NLRP7: variants seen among roughly 807,000 people sequenced by gnomAD.
The protein encoded by NLRP7 is NLR family pyrin domain containing 7, also known as NACHT, LRR and PYD domains-containing protein 7.
Under a neutral mutation model 85.5 loss-of-function variants are expected in NLRP7, and 72 were observed. The ratio of observed to expected loss-of-function variants is 0.84; its 90% CI spans 0.70 to 1.02. The LOEUF is 1.02. Ranked by LOEUF, NLRP7 falls within the 50% of genes least tolerant of loss-of-function variation. NLRP7 has a pLI of 0.00. For synonymous variants in NLRP7, 550 were observed against 505.2 expected, an observed-to-expected ratio of 1.09 and a Z score of -1.19; for missense variants, 1,243 against 1,219.5, an observed-to-expected ratio of 1.02 and a Z score of -0.29.
chr19:54,946,362 C>T (rs1377829027), intron 1 of NLRP7, among the ~76,000 whole-genome samples: 2 of 151,448 alleles, frequency 1.3e-5, no homozygotes, highest in African/African-American at 2.4e-5. Context: ...CAGGCATGTG[C>T]CACCACGCCC....
Position 54,934,359 on chromosome 19 carries a change from G to T in NLRP7, c.2471+130C>A. 1 of 916,586 alleles carries T rather than the reference G, an allele frequency of 1.1e-6. No individual in the cohort carries two copies. The highest frequency in any genetic ancestry group is 1.8e-6 in the Non-Finnish European group (1 of 546,698). The allele number at this position is 916,586 out of a possible 1,614,324, so 56.8% of individuals were successfully genotyped here. ...TGAGATTACAGGCAGGAGCCACCGTGCCGGGCCTGAAGCAGGTGTTTATTT... is the reference window on the plus strand; with the variant it reads ...TGAGATTACAGGCAGGAGCCACCGTTCCGGGCCTGAAGCAGGTGTTTATTT... On this transcript the variant is annotated intron_variant, in intron 7 of 9. Coordinates refer to ENST00000340844, the Ensembl canonical transcript of NLRP7. The surrounding 1 kb of genome is among the most constrained non-coding windows in gnomAD (Gnocchi z 6.7).
intron 5 of NLRP7, 99 bp from the exon 6 acceptor site, chr19:54,936,530 A>T (rs1183555351): frequency 9.0e-7 from 1 of 1,110,234 alleles, no homozygotes; most frequent in Non-Finnish European, 1.4e-6. Flanking sequence ...AGAAATTATT[A>T]GAAGTTCTTG....
chr19:54,940,374 C>G (rs756978762), exon 4 of NLRP7: 4 of 1,614,154 alleles, frequency 2.5e-6, no homozygotes, highest in Non-Finnish European at 3.4e-6. Context: ...AGAGTGACGT[C>G]GTCATGGAAA....
At chr19:54,946,665 AGTCGCACTCT>A (rs1003250854) in intron 1 of NLRP7, among the ~76,000 whole-genome samples, 4 of 151,326 alleles carry the variant, frequency 2.6e-5, no homozygotes, top group African/African-American at 9.7e-5. Context: ...TTTGAGACGG[AGTCGCACTCT>A]GTCTCCCAGG....
In NLRP7 at chr19:54,938,025, A is replaced by C. The variant is rs767209871; in HGVS notation, c.2129+19T>G. 8 of 1,599,852 alleles carry C rather than the reference A, an allele frequency of 5.0e-6. No individual in the cohort carries two copies. Among genetic ancestry groups the C allele is most frequent in the Non-Finnish European group, 6.9e-6 (8 of 1,167,198 alleles). ...AGTCATCGTTCAGGGTCTTCCTTGC[A>C]AGATGAGCTTCTACTTACTCCACTT... is the stretch of plus-strand genomic sequence containing the variant. On this transcript the variant is annotated intron_variant, in intron 5 of 9. Transcript: ENST00000340844.
chr19:54,951,573 AAAAC>A (rs1263372390), upstream of NLRP7, among the ~76,000 whole-genome samples: 3 of 152,006 alleles, frequency 2.0e-5, no homozygotes, highest in Non-Finnish European at 4.4e-5. Flanking sequence ...AACAAAAACA[AAAAC>A]AAAACAAAAA....
chr19:54,945,215 C>G (rs1417866136), intron 1 of NLRP7, among the ~76,000 whole-genome samples: 2 of 147,766 alleles, frequency 1.4e-5, no homozygotes, highest in African/African-American at 2.5e-5. Flanking sequence ...TGCACTCCAG[C>G]CTGGGCGAGT....
intron 1 of NLRP7, among the ~76,000 whole-genome samples, chr19:54,960,263 C>G (rs150272725): frequency 3.7e-4 from 56 of 151,860 alleles, no homozygotes; most frequent in African/African-American, 1.4e-3. Flanking sequence ...TCAAGCAATT[C>G]TCCTCCCTCA....
chr19:54,956,546 T>C (rs545160083), intron 1 of NLRP7, among the ~76,000 whole-genome samples: 13 of 151,576 alleles, frequency 8.6e-5, no homozygotes, highest in Admixed American at 2.0e-4. Flanking sequence ...ATACAAAAAT[T>C]AGCTGGGCGC....
chr19:54,936,450 G>C lies in NLRP7; in HGVS notation c.2130-19C>G, dbSNP rs2068932464. The C allele has an allele frequency of 2.5e-6, 4 of 1,604,848 alleles. No individual in the cohort carries two copies. The highest frequency in any genetic ancestry group is 3.4e-6 in the Non-Finnish European group (4 of 1,171,590). On this transcript the variant is annotated intron_variant, in intron 5 of 9. Transcript: ENST00000340844. ...TTTAATCCTAGGGAAAAGCAGAAGA[G>C]ATTCCACTTGGAGTGATTAATACTC...
At chr19:54,966,006 T>C (rs1193231126) in intron 1 of NLRP7, 1 of 146,176 alleles carries the variant, frequency 6.8e-6, no homozygotes. Flanking sequence ...GATATTTCAC[T>C]TGAAATACGG....
intron 9 of NLRP7, among the ~76,000 whole-genome samples, chr19:54,927,072 AGTG>A (rs1271131843): frequency 6.6e-6 from 1 of 151,592 alleles, no homozygotes; most frequent in Non-Finnish European, 1.5e-5. Context: ...CCTGGGCAAC[AGTG>A]AGACTCCATC....
chr19:54,950,832 C>T (rs1308576011), upstream of NLRP7, among the ~76,000 whole-genome samples: 1 of 152,220 alleles, frequency 6.6e-6, no homozygotes, highest in Non-Finnish European at 1.5e-5. Context: ...AGACCCTTTA[C>T]TGGTGTCGGG....
rs104895513 is a variant in NLRP7, at chr19:54,930,497, A to G, written c.2810+2T>C. Reference sequence around the variant, plus strand: ...AGAAAGAAGAAAAAGAAAATCGCCTACCGTAGGTGTTTTAGGTTACAGTTT... The same window carrying G: ...AGAAAGAAGAAAAAGAAAATCGCCTGCCGTAGGTGTTTTAGGTTACAGTTT... On this transcript the variant is annotated splice_donor_variant, in intron 9 of 9. Coordinates refer to ENST00000340844, the Ensembl canonical transcript of NLRP7. LOFTEE classifies it high-confidence loss of function. 3 of 1,596,592 alleles carry G rather than the reference A, an allele frequency of 1.9e-6. No individual in the cohort carries two copies. Among genetic ancestry groups the G allele is most frequent in the East Asian group, 2.2e-5 (1 of 44,766 alleles).
intron 1 of NLRP7, among the ~76,000 whole-genome samples, chr19:54,958,527 C>T (rs1368929783): frequency 6.6e-6 from 1 of 151,972 alleles, no homozygotes; most frequent in Non-Finnish European, 1.5e-5. Flanking sequence ...TGCCTGTAAT[C>T]CCAGCTACTC....
chr19:54,927,604 C>T lies in NLRP7; in HGVS notation c.2810+2895G>A. On this transcript the variant is annotated intron_variant, in intron 9 of 9. Transcript: ENST00000340844. ...AACAAAACAAAACAAAAAACCCATA[C>T]CTGAGTATCTTCAAGGATCCAGTTC... 3 of 1,613,712 alleles carry T rather than the reference C, an allele frequency of 1.9e-6. No individual in the cohort carries two copies. Among genetic ancestry groups the T allele is most frequent in the Non-Finnish European group, 2.5e-6 (3 of 1,179,786 alleles).
At chr19:54,953,322 C>G (rs2146270282) in intron 1 of NLRP7, 1 of 152,336 alleles carries the variant, frequency 6.6e-6, no homozygotes, top group Middle Eastern at 3.4e-3. Context: ...GCTCACAACT[C>G]TAAGGGGGTG....
chr19:54,938,136 A>G, exon 5 of NLRP7: 1 of 1,614,094 alleles, frequency 6.2e-7, no homozygotes, highest in Non-Finnish European at 8.5e-7. Context: ...TCACTTCCAG[A>G]AACTTGAGGT....
exon 4 of NLRP7, chr19:54,939,207 A>C: frequency 6.2e-7 from 1 of 1,614,246 alleles, no homozygotes; most frequent in South Asian, 1.1e-5. Context: ...CGGCAGCCAA[A>C]AGTGGCCTCC....
Sources: allele counts gnomAD v4.1 joint callset (sites outside exome capture counted in the v4.1 genomes callset), GRCh38; gene constraint gnomAD v4.1.1; non-coding constraint Gnocchi (gnomAD v3.1); transcripts MANE v1.5; gene names NCBI Gene and HGNC (gene_info 2026-07-23, HGNC 2026-07-21).